GADD45B: variants seen among roughly 807,000 people sequenced by gnomAD.
GADD45B encodes the protein growth arrest and DNA damage-inducible protein GADD45 beta.
In GADD45B, 8 loss-of-function variants were observed where a neutral mutation model predicts 15.2. The observed-to-expected ratio is 0.53, with a 90% CI of 0.31 to 0.95. The LOEUF (loss-of-function observed/expected upper bound fraction) is 0.95. Among genes scored for constraint, GADD45B ranks in the 40% least tolerant of loss-of-function variants. The pLI is 0.05. For synonymous variants in GADD45B, 100 were observed against 89.8 expected, an observed-to-expected ratio of 1.11 and a Z score of -0.64; for missense variants, 162 against 216.6, an observed-to-expected ratio of 0.75 and a Z score of 1.58.
rs1972342559 is a variant in GADD45B at position 2,477,861 on chromosome 19, C to T, written c.*260C>T. The T allele has an allele frequency of 3.0e-6, 1 of 336,696 alleles. No homozygotes were observed. The allele number at this position is 336,696 out of a possible 1,614,324, so 20.9% of individuals were successfully genotyped here. ...GGACCCAGGCCAGCAGGAGACAGGA[C>T]CCCCGAAGCTGAGGCCTTGGGATGG... On this transcript the variant is annotated 3_prime_UTR_variant, in exon 4 of 4. Transcript: ENST00000215631. The surrounding 1 kb of genome is among the most constrained non-coding windows in gnomAD (Gnocchi z 4.2).
At chr19:2,476,739 GC>G in intron 2 of GADD45B, 109 bp downstream of exon 2, 3 of 691,936 alleles carry the variant, frequency 4.3e-6, no homozygotes, top group South Asian at 3.7e-5. Context: ...TTCCCCAAGT[GC>G]CCCCCGCTGT....
At chr19:2,476,975 G>A in intron 2 of GADD45B, 54 bp from the exon 3 acceptor site, 5 of 1,200,776 alleles carry the variant, frequency 4.2e-6, no homozygotes, top group Non-Finnish European at 4.9e-6. Context: ...CCCCCTGCAC[G>A]GTGGCCCCTC....
Position 2,477,460 on chromosome 19 carries a change from A to G in GADD45B, c.370-28A>G. ...AGGGGCCCCGGGAGAGGGAGGCTCC[A>G]CTAAACCCCTTCTTTTCCCTCCTAC... On this transcript the variant is annotated intron_variant, in intron 3 of 3. Transcript: ENST00000215631. This position sits in a 1 kb window ranked among gnomAD's most constrained non-coding sequence, Gnocchi z 4.2. 6.7e-7 allele frequency: 1 copy of G among 1,490,088 alleles called. No individual in the cohort carries two copies. Among genetic ancestry groups the G allele is most frequent in the African/African-American group, 1.4e-5 (1 of 72,574 alleles). The allele number at this position is 1,490,088 out of a possible 1,614,324, so 92.3% of individuals were successfully genotyped here.
chr19:2,476,995 C>T (rs1238019143), intron 2 of GADD45B, 34 bp from the exon 3 acceptor site: 4 of 1,469,414 alleles, frequency 2.7e-6, no homozygotes, highest in South Asian at 1.1e-5. Context: ...CCCCTGTCCC[C>T]GGCTGACCCA....
Position 2,477,696 on chromosome 19 carries a change from A to G in GADD45B, c.*95A>G. On this transcript the variant is annotated 3_prime_UTR_variant, in exon 4 of 4. Coordinates refer to ENST00000215631, the MANE Select transcript of GADD45B (RefSeq NM_015675.4). The surrounding 1 kb of genome is among the most constrained non-coding windows in gnomAD (Gnocchi z 4.2). ...CCTCCCCCCCAGCACAACCCCCCCA[A>G]AACAACCCAACCCACGAGGACCATC... is the stretch of plus-strand genomic sequence containing the variant. 1 of 521,298 alleles carries G rather than the reference A, an allele frequency of 1.9e-6. No individual in the cohort carries two copies. Among genetic ancestry groups the G allele is most frequent in the East Asian group, 3.8e-5 (1 of 26,548 alleles). The allele number at this position is 521,298 out of a possible 1,614,324, so 32.3% of individuals were successfully genotyped here.
In GADD45B at chr19:2,476,201, A is replaced by T; in HGVS notation, c.-158A>T. 1 of 736,416 alleles carries T rather than the reference A, an allele frequency of 1.4e-6. No individual in the cohort carries two copies. The highest frequency in any genetic ancestry group is 2.4e-6 in the Non-Finnish European group (1 of 418,618). 45.6% of individuals were successfully genotyped at this position (736,416 alleles called of 1,614,324 possible). A position where few individuals can be genotyped will look rare whatever the true frequency, so the allele number is the denominator to read the frequency against. On this transcript the variant is annotated 5_prime_UTR_variant, in exon 1 of 4. Transcript: ENST00000215631. ...ATCCTCGCCAAGGACTTTGCAATAT[A>T]TTTTTCCGCCTTTTCTGGAAGGATT...
At position 2,477,074 on chromosome 19, in the gene GADD45B, G is replaced by C; in HGVS notation, c.192G>C (p.Glu64Asp). Residue 64 changes from glutamate to aspartate, a missense_variant, in exon 3 of 4, where the codon GAG becomes GAC. Glu to Asp is a conservative substitution (Grantham distance 45, BLOSUM62 2). Transcript: ENST00000215631. The surrounding 1 kb of genome is among the most constrained non-coding windows in gnomAD (Gnocchi z 4.2). ...VVLCLLAIDE[E>D]EEDDIALQIH... ...TCTGCCTCTTGGCCATTGACGAGGA[G>C]GAGGAGGATGACATCGCCCTGCAAA... The C allele has an allele frequency of 2.5e-6, 4 of 1,613,954 alleles. No homozygotes were observed. Among genetic ancestry groups the C allele is most frequent in the Non-Finnish European group, 3.4e-6 (4 of 1,179,890 alleles).
In GADD45B at chr19:2,476,601, G is replaced by T; in HGVS notation, c.117G>T (p.Gly39=). Residue 39 remains glycine, a synonymous_variant, in exon 2 of 4, where the codon GGG becomes GGT. Coordinates refer to ENST00000215631, the MANE Select transcript of GADD45B (RefSeq NM_015675.4). ...AGCGCCAGGATCGCCTCACAGTGGG[G>T]GTGTACGAGTCGGCCAAGTTGATGA... ...AAQRQDRLTV[G]VYESAKLMNV... The T allele has an allele frequency of 6.3e-7, 1 of 1,589,402 alleles. No homozygotes were observed. Among genetic ancestry groups the T allele is most frequent in the South Asian group, 1.1e-5 (1 of 88,404 alleles).
Position 2,476,150 on chromosome 19 carries a change from C to CTTAG in GADD45B, c.-209_-208insTTAG, listed in dbSNP as rs1185657842. On this transcript the variant is annotated 5_prime_UTR_variant, in exon 1 of 4. Coordinates refer to ENST00000215631, the MANE Select transcript of GADD45B (RefSeq NM_015675.4). Reference sequence around the variant, plus strand: ...TCAGATCGCCGAAGCGTCGGACTACCGTTGGTTTCCGCAACTTCCTGGATT... The same window carrying CTTAG: ...TCAGATCGCCGAAGCGTCGGACTACCTTAGGTTGGTTTCCGCAACTTCCTGGATT... 3.3e-6 allele frequency: 2 copies of CTTAG among 610,050 alleles called. No individual in the cohort carries two copies. Among genetic ancestry groups the CTTAG allele is most frequent in the Non-Finnish European group, 5.8e-6 (2 of 342,158 alleles). 37.8% of individuals were successfully genotyped at this position (610,050 alleles called of 1,614,324 possible). A position where few individuals can be genotyped will look rare whatever the true frequency, so the allele number is the denominator to read the frequency against.
At chr19:2,476,493 G>T in intron 1 of GADD45B, 36 bp from the exon 2 acceptor site, 2 of 1,600,688 alleles carry the variant, frequency 1.2e-6, no homozygotes, top group East Asian at 4.5e-5. Flanking sequence ...GCACCCGGTG[G>T]TCCGCCCGTC....
intron 2 of GADD45B, 110 bp downstream of exon 2, chr19:2,476,740 C>T (rs1972321226): frequency 5.8e-6 from 4 of 691,074 alleles, no homozygotes; most frequent in African/African-American, 3.6e-5. Context: ...TCCCCAAGTG[C>T]CCCCCGCTGT....
At position 2,477,471 on chromosome 19, in the gene GADD45B, TC is replaced by T. The variant is rs1972333872; in HGVS notation, c.370-16del. On this transcript the variant is annotated splice_polypyrimidine_tract_variant and intron_variant, in intron 3 of 3. Coordinates refer to ENST00000215631, the MANE Select transcript of GADD45B (RefSeq NM_015675.4). This position sits in a 1 kb window ranked among gnomAD's most constrained non-coding sequence, Gnocchi z 4.2. ...GAGAGGGAGGCTCCACTAAACCCCT[TC>T]TTTTCCCTCCTACAGAACCCTCACA... The T allele has an allele frequency of 6.4e-7, 1 of 1,565,718 alleles. No homozygotes were observed. Among genetic ancestry groups the T allele is most frequent in the African/African-American group, 1.4e-5 (1 of 73,876 alleles).
Position 2,477,647 on chromosome 19 carries a change from A to C in GADD45B, c.*46A>C. ...TCTGTTGAGTTGCTGCCACAAACAA[A>C]AAATACAATAAATATTTGAACCCCC... is the stretch of plus-strand genomic sequence containing the variant. On this transcript the variant is annotated 3_prime_UTR_variant, in exon 4 of 4. Transcript: ENST00000215631. This position sits in a 1 kb window ranked among gnomAD's most constrained non-coding sequence, Gnocchi z 4.2. 3.0e-6 allele frequency: 3 copies of C among 1,005,982 alleles called. No individual in the cohort carries two copies. The allele number at this position is 1,005,982 out of a possible 1,614,324, so 62.3% of individuals were successfully genotyped here. A position where few individuals can be genotyped will look rare whatever the true frequency, so the allele number is the denominator to read the frequency against.
chr19:2,477,589 T>C lies in GADD45B; in HGVS notation c.471T>C (p.Leu157=). ...GNNQWVPYIS[L]QER ...ACCAGTGGGTCCCCTACATCTCTCT[T>C]CAGGAACGCTGAGGCCCTTCCCAGC... The change falls in exon 4 of 4, where the codon CTT becomes CTC. Residue 157 remains leucine (L), a synonymous_variant. Coordinates refer to ENST00000215631, the MANE Select transcript of GADD45B (RefSeq NM_015675.4). The surrounding 1 kb of genome is among the most constrained non-coding windows in gnomAD (Gnocchi z 4.2). 1 of 1,593,640 alleles carries C rather than the reference T, an allele frequency of 6.3e-7. No homozygotes were observed.
chr19:2,476,142 C>T lies in GADD45B; in HGVS notation c.-217C>T, dbSNP rs557692430. 40 of 603,080 alleles carry T rather than the reference C, an allele frequency of 6.6e-5. No individual in the cohort carries two copies. Among genetic ancestry groups the T allele is most frequent in the Middle Eastern group, 8.8e-4 (2 of 2,274 alleles). The allele number at this position is 603,080 out of a possible 1,614,324, so 37.4% of individuals were successfully genotyped here. ...CTCCCAGCTCAGATCGCCGAAGCGT[C>T]GGACTACCGTTGGTTTCCGCAACTT... On this transcript the variant is annotated 5_prime_UTR_variant, in exon 1 of 4. Transcript: ENST00000215631.
Position 2,477,091 on chromosome 19 carries a change from C to T in GADD45B, c.209C>T (p.Ala70Val). 1 of 1,613,976 alleles carries T rather than the reference C, an allele frequency of 6.2e-7. No individual in the cohort carries two copies. The highest frequency in any genetic ancestry group is 8.5e-7 in the Non-Finnish European group (1 of 1,179,920). ...GACGAGGAGGAGGAGGATGACATCG[C>T]CCTGCAAATCCACTTCACGCTCATC... ...AIDEEEEDDI[A>V]LQIHFTLIQS... Residue 70 changes from alanine to valine, a missense_variant, in exon 3 of 4, where the codon GCC becomes GTC. Transcript: ENST00000215631. This position sits in a 1 kb window ranked among gnomAD's most constrained non-coding sequence, Gnocchi z 4.2.
intron 2 of GADD45B, 155 bp downstream of exon 2, chr19:2,476,785 G>A (rs1024048728): frequency 1.6e-6 from 1 of 620,104 alleles, no homozygotes; most frequent in East Asian, 2.8e-5. Flanking sequence ...TGTGGATCGG[G>A]GGCTGCCGTA....
Position 2,476,624 on chromosome 19 carries a change from T to C in GADD45B, c.140T>C (p.Met47Thr). The C allele has an allele frequency of 2.6e-6, 4 of 1,559,450 alleles. No individual in the cohort carries two copies. Among genetic ancestry groups the C allele is most frequent in the Non-Finnish European group, 3.5e-6 (4 of 1,144,928 alleles). ...TVGVYESAKL[M>T]NVDPDSVVLC... is the part of the protein sequence containing the mutation. ...GGGGTGTACGAGTCGGCCAAGTTGA[T>C]GAATGTGTGAGTCAGACCCCCTTCC... Residue 47 changes from methionine to threonine, a missense_variant, in exon 2 of 4, where the codon ATG becomes ACG. By Grantham distance (81) the Met-to-Thr change is moderately conservative. Coordinates refer to ENST00000215631, the MANE Select transcript of GADD45B (RefSeq NM_015675.4).
rs902147311 is a variant in GADD45B, at chr19:2,478,232, G to T, written c.*631G>T. 6.6e-6 allele frequency: 1 copy of T among 151,908 alleles called. No homozygotes were observed. The highest frequency in any genetic ancestry group is 1.5e-5 in the Non-Finnish European group (1 of 67,988). The allele number at this position is 151,908 out of a possible 1,614,324, so 9.4% of individuals were successfully genotyped here. A position where few individuals can be genotyped will look rare whatever the true frequency, so the allele number is the denominator to read the frequency against. On this transcript the variant is annotated 3_prime_UTR_variant, in exon 4 of 4. Coordinates refer to ENST00000215631, the MANE Select transcript of GADD45B (RefSeq NM_015675.4). Reference sequence around the variant, plus strand: ...CTATATTTTTATTTCTACTATGAGGGCCTTGTAATAAATTTCTAAAGCCTC... The same window carrying T: ...CTATATTTTTATTTCTACTATGAGGTCCTTGTAATAAATTTCTAAAGCCTC...
Sources: gnomAD v4.1 joint callset for allele counts on GRCh38, gnomAD v4.1.1 for gene constraint, Gnocchi (gnomAD v3.1) non-coding constraint, MANE v1.5 for transcripts, NCBI Gene and HGNC (gene_info 2026-07-23, HGNC 2026-07-21) for gene names.